SNX29: variants seen among roughly 807,000 people sequenced by gnomAD.
The protein encoded by SNX29 is sorting nexin-29.
SNX29 carries 78 observed loss-of-function variants against 102.1 expected under a neutral mutation model. The ratio of observed to expected loss-of-function variants is 0.76; its 90% CI spans 0.64 to 0.92. SNX29 has a LOEUF of 0.92. Ranked by LOEUF, SNX29 falls within the 40% of genes least tolerant of loss-of-function variation. The probability of loss-of-function intolerance (pLI) is 0.00; values close to 1 mark genes in which losing one functional copy is unlikely to be tolerated. For missense variants in SNX29, 1,280 were observed against 1,061.7 expected, an observed-to-expected ratio of 1.21 and a Z score of -2.86; for synonymous variants, 580 against 414.5, an observed-to-expected ratio of 1.40 and a Z score of -4.85.
intron 16 of SNX29, among the ~76,000 whole-genome samples, chr16:12,357,082 C>T (rs779512418): frequency 6.6e-5 from 10 of 152,206 alleles, no homozygotes; most frequent in South Asian, 4.1e-4. Flanking sequence ...ACCACAATGC[C>T]GTGAGCATCT....
intron 10 of SNX29, among the ~76,000 whole-genome samples, chr16:12,074,771 G>T (rs1019117291): frequency 6.6e-6 from 1 of 152,146 alleles, no homozygotes; most frequent in African/African-American, 2.4e-5. Flanking sequence ...TTCCAACTTG[G>T]TTCCATTCTC....
chr16:12,008,680 C>T lies in SNX29; in HGVS notation c.122+5637C>T, dbSNP rs184538729. ...AGTGTGCAGATATCAGGCTCAGAGC[C>T]GTCCTCTGGCCATGGCAGAGAGTCA... On this transcript the variant is annotated intron_variant, in intron 3 of 20. Coordinates refer to ENST00000566228, the MANE Select transcript of SNX29 (RefSeq NM_032167.5). Among the ~76,000 whole-genome samples the T allele has an allele frequency of 1.0e-3, 152 of 151,422 alleles. 3 individuals are homozygous for T. The highest frequency in any genetic ancestry group is 3.6e-3 in the African/African-American group (150 of 41,250).
intron 18 of SNX29, among the ~76,000 whole-genome samples, chr16:12,431,076 T>A (rs1337763972): frequency 6.6e-6 from 1 of 152,186 alleles, no homozygotes. Flanking sequence ...GGTCTCGAAC[T>A]CCTGATCTCA....
At chr16:12,378,246 C>T (rs535222146) in intron 16 of SNX29, among the ~76,000 whole-genome samples, 5 of 152,158 alleles carry the variant, frequency 3.3e-5, no homozygotes, top group South Asian at 4.2e-4. Context: ...TGTTTCCACT[C>T]GTGGCAGCAG....
At chr16:12,355,534 AG>A (rs2082105646) in intron 15 of SNX29, among the ~76,000 whole-genome samples, 1 of 152,168 alleles carries the variant, frequency 6.6e-6, no homozygotes, top group Non-Finnish European at 1.5e-5. Context: ...AGATGCTTGC[AG>A]GATTCTTCCT....
At chr16:12,389,079 G>A (rs1429974716) in intron 16 of SNX29, among the ~76,000 whole-genome samples, 1 of 152,016 alleles carries the variant, frequency 6.6e-6, no homozygotes, top group Non-Finnish European at 1.5e-5. Flanking sequence ...TTTTCCTTGG[G>A]ATTGTAGCGT....
intron 19 of SNX29, among the ~76,000 whole-genome samples, chr16:12,505,597 G>A (rs926833674): frequency 2.6e-5 from 4 of 152,080 alleles, no homozygotes; most frequent in African/African-American, 4.8e-5. Context: ...AAGCAGATTC[G>A]CATAGTTAGC....
chr16:12,222,389 G>A (rs1209517799), intron 14 of SNX29, among the ~76,000 whole-genome samples: 1 of 152,174 alleles, frequency 6.6e-6, no homozygotes, highest in Non-Finnish European at 1.5e-5. Context: ...CTCTTCCACA[G>A]TGGACATGCA....
chr16:12,234,291 A>G (rs1184542781), intron 14 of SNX29, among the ~76,000 whole-genome samples: 1 of 152,162 alleles, frequency 6.6e-6, no homozygotes, highest in Non-Finnish European at 1.5e-5. Flanking sequence ...TTCAATTTGC[A>G]TTTCCCTGAT....
At chr16:12,517,208 G>A (rs971772512) in intron 19 of SNX29, among the ~76,000 whole-genome samples, 2 of 152,130 alleles carry the variant, frequency 1.3e-5, no homozygotes, top group Admixed American at 6.5e-5. Context: ...CCATACGCTG[G>A]GTTTGCCTCC....
chr16:11,991,514 A>G (rs2055846159), intron 1 of SNX29, among the ~76,000 whole-genome samples: 1 of 151,882 alleles, frequency 6.6e-6, no homozygotes, highest in Non-Finnish European at 1.5e-5. Context: ...AAATATAAAT[A>G]TATGTAAATT....
intron 15 of SNX29, among the ~76,000 whole-genome samples, chr16:12,339,877 C>T (rs564903807): frequency 1.3e-4 from 20 of 152,318 alleles, no homozygotes; most frequent in African/African-American, 4.3e-4. Context: ...AGGGCCAGGG[C>T]ACGTGGCCAA....
intron 1 of SNX29, among the ~76,000 whole-genome samples, chr16:11,993,291 T>C (rs1331303865): frequency 3.3e-5 from 5 of 152,120 alleles, no homozygotes; most frequent in Non-Finnish European, 7.4e-5. Flanking sequence ...AGAAGGAATA[T>C]AGCCGGAGTG....
intron 15 of SNX29, among the ~76,000 whole-genome samples, chr16:12,285,986 G>A (rs2079583004): frequency 6.6e-6 from 1 of 152,052 alleles, no homozygotes; most frequent in Admixed American, 6.6e-5. Context: ...CTCCACAGTA[G>A]CATACGCTAC....
chr16:12,034,280 G>C (rs2057415871), intron 4 of SNX29, among the ~76,000 whole-genome samples: 1 of 152,150 alleles, frequency 6.6e-6, no homozygotes, highest in Non-Finnish European at 1.5e-5. Context: ...GATGGTGAGG[G>C]GAAGTCCAGT....
intron 15 of SNX29, among the ~76,000 whole-genome samples, chr16:12,322,563 AGAT>A: frequency 6.6e-6 from 1 of 152,220 alleles, no homozygotes; most frequent in East Asian, 1.9e-4. Context: ...AACTTATTAA[AGAT>A]GATGAATAGA....
At chr16:12,444,832 G>GTTT (rs1373696513) in intron 18 of SNX29, among the ~76,000 whole-genome samples, 22 of 75,286 alleles carry the variant, frequency 2.9e-4, no homozygotes, top group South Asian at 5.8e-4. Context: ...CCTCGACAGT[G>GTTT]TTTTTTTTTG....
At chr16:12,092,085 C>G (rs1244178384) in intron 11 of SNX29, among the ~76,000 whole-genome samples, 1 of 152,270 alleles carries the variant, frequency 6.6e-6, no homozygotes, top group East Asian at 1.9e-4. Flanking sequence ...TCATCCCATC[C>G]CCCCAAGTGC....
chr16:12,170,012 C>G (rs962646722), intron 13 of SNX29, among the ~76,000 whole-genome samples: 1 of 152,120 alleles, frequency 6.6e-6, no homozygotes, highest in Non-Finnish European at 1.5e-5. Flanking sequence ...AGTTCTAGAT[C>G]GGGTTTCTTG....
Sources: gnomAD v4.1 joint callset for allele counts (sites outside exome capture counted in the v4.1 genomes callset) on GRCh38, gnomAD v4.1.1 for gene constraint, MANE v1.5 for transcripts, NCBI Gene and HGNC (gene_info 2026-07-23, HGNC 2026-07-21) for gene names.